The following RUNDC3B variants were observed in gnomAD, a reference collection of about 807,000 sequenced individuals.
RUNDC3B encodes the protein RUN domain-containing protein 3B.
In RUNDC3B, 33 loss-of-function variants were observed where a neutral mutation model predicts 58.4. That is an observed-to-expected ratio of 0.56 (90% CI 0.43 to 0.75). The LOEUF (loss-of-function observed/expected upper bound fraction) is 0.75, where lower values mean the gene tolerates loss of function less well. Ranked by LOEUF, RUNDC3B falls within the 30% of genes least tolerant of loss-of-function variation. RUNDC3B has a pLI of 0.00. For synonymous variants in RUNDC3B, 193 were observed against 195.2 expected (o/e 0.99, Z 0.10); for missense variants, 501 against 535.7 (o/e 0.94, Z 0.64).
intron 8 of RUNDC3B, among the ~76,000 whole-genome samples, chr7:87,785,316 G>A (rs1173780623): frequency 6.6e-6 from 1 of 152,002 alleles, no homozygotes; most frequent in Non-Finnish European, 1.5e-5. Context: ...CTTGTGGAAG[G>A]AAGGATGCCC....
chr7:87,671,748 T>C (rs775727129), intron 2 of RUNDC3B, among the ~76,000 whole-genome samples: 3 of 152,174 alleles, frequency 2.0e-5, no homozygotes, highest in Non-Finnish European at 4.4e-5. Flanking sequence ...GTAGAGCAGC[T>C]GTTCCGTGCT....
chr7:87,683,059 T>G (rs1585091183), intron 2 of RUNDC3B, among the ~76,000 whole-genome samples: 1 of 152,192 alleles, frequency 6.6e-6, no homozygotes, highest in African/African-American at 2.4e-5. Context: ...GTTTTATTAT[T>G]ATTATTTTTT....
intron 2 of RUNDC3B, among the ~76,000 whole-genome samples, chr7:87,655,785 T>G (rs1563107574): frequency 6.6e-6 from 1 of 152,132 alleles, no homozygotes; most frequent in East Asian, 1.9e-4. Context: ...TGCTGGAAAC[T>G]TAACCCCCTG....
chr7:87,667,295 G>A (rs184730707), intron 2 of RUNDC3B, among the ~76,000 whole-genome samples: 192 of 152,044 alleles, frequency 1.3e-3, no homozygotes, highest in African/African-American at 4.2e-3. Flanking sequence ...TTTGGCTGTT[G>A]TTGGTGTATA....
chr7:87,688,078 C>T (rs1160771014), intron 2 of RUNDC3B, among the ~76,000 whole-genome samples: 3 of 152,072 alleles, frequency 2.0e-5, no homozygotes, highest in Non-Finnish European at 4.4e-5. Flanking sequence ...CTTAAGGTCA[C>T]CAGAGTTTGG....
At chr7:87,812,818 G>A (rs1685902121) in intron 9 of RUNDC3B, among the ~76,000 whole-genome samples, 1 of 152,168 alleles carries the variant, frequency 6.6e-6, no homozygotes, top group South Asian at 2.1e-4. Flanking sequence ...ATCTTACTGT[G>A]TGATGTTAAT....
intron 2 of RUNDC3B, among the ~76,000 whole-genome samples, chr7:87,686,776 G>GA (rs555870738): frequency 0.022 from 2,357 of 106,930 alleles, 31 homozygotes; most frequent in African/African-American, 0.042. Context: ...CCCGCCTCTA[G>GA]AAAAAAAAAA....
chr7:87,684,428 T>G (rs1827235299), intron 2 of RUNDC3B, among the ~76,000 whole-genome samples: 1 of 152,162 alleles, frequency 6.6e-6, no homozygotes, highest in Admixed American at 6.5e-5. Flanking sequence ...ATTTTAAGAC[T>G]TACTGTTAAG....
At chr7:87,726,192 C>G (rs954871802) in intron 4 of RUNDC3B, among the ~76,000 whole-genome samples, 1 of 152,174 alleles carries the variant, frequency 6.6e-6, no homozygotes, top group African/African-American at 2.4e-5. Context: ...ATGGTACTGC[C>G]TAGGTTTTCC....
chr7:87,812,329 C>A (rs1293329838), intron 9 of RUNDC3B, among the ~76,000 whole-genome samples: 1 of 152,158 alleles, frequency 6.6e-6, no homozygotes, highest in Non-Finnish European at 1.5e-5. Flanking sequence ...TTAACAATGG[C>A]TGGGCACAGT....
chr7:87,757,930 C>T (rs542514520), intron 6 of RUNDC3B, among the ~76,000 whole-genome samples: 2 of 152,230 alleles, frequency 1.3e-5, no homozygotes, highest in South Asian at 4.2e-4. Flanking sequence ...ATAAATGGTG[C>T]TGGGAAAACT....
intron 2 of RUNDC3B, among the ~76,000 whole-genome samples, chr7:87,672,124 C>G (rs1353850438): frequency 2.0e-5 from 3 of 152,228 alleles, no homozygotes; most frequent in Admixed American, 6.5e-5. Flanking sequence ...CTGCCTCTCC[C>G]TCTGGGAGCA....
chr7:87,719,251 A>T (rs1029994129), intron 4 of RUNDC3B, among the ~76,000 whole-genome samples: 50 of 152,004 alleles, frequency 3.3e-4, no homozygotes, highest in African/African-American at 1.1e-3. Flanking sequence ...AATTATTAAA[A>T]TGGGAAGAAG....
At chr7:87,638,330 T>G (rs1206706605) in intron 1 of RUNDC3B, among the ~76,000 whole-genome samples, 1 of 145,758 alleles carries the variant, frequency 6.9e-6, no homozygotes, top group African/African-American at 2.6e-5. Context: ...ATAAAACAAG[T>G]TAGGAAGTAT....
intron 4 of RUNDC3B, among the ~76,000 whole-genome samples, chr7:87,738,035 A>G (rs1472070125): frequency 1.3e-5 from 2 of 152,112 alleles, no homozygotes; most frequent in African/African-American, 2.4e-5. Context: ...GCTGATTTTT[A>G]GAATGTATTT....
At chr7:87,646,142 T>A (rs573568468) in intron 1 of RUNDC3B, among the ~76,000 whole-genome samples, 138 of 152,320 alleles carry the variant, frequency 9.1e-4, no homozygotes, top group African/African-American at 3.2e-3. Flanking sequence ...TGACATTTTA[T>A]GTTTTTATGA....
intron 2 of RUNDC3B, among the ~76,000 whole-genome samples, chr7:87,651,340 G>C (rs1033929243): frequency 1.3e-5 from 2 of 152,016 alleles, no homozygotes; most frequent in Non-Finnish European, 2.9e-5. Flanking sequence ...CAGGTAGTAG[G>C]TTAAAAAAGA....
chr7:87,692,009 A>G (rs1271368776), intron 2 of RUNDC3B, among the ~76,000 whole-genome samples: 4 of 152,204 alleles, frequency 2.6e-5, no homozygotes. Context: ...CTTGTCTAGA[A>G]TGGTTTAATC....
In RUNDC3B at chr7:87,628,880, C is replaced by T. The variant is rs1820883660; in HGVS notation, c.57C>T (p.Gly19=). The change falls in exon 1 of 11, where the codon GGC becomes GGT. Residue 19 remains glycine (G), a synonymous_variant. Coordinates refer to ENST00000394654, the MANE Select transcript of RUNDC3B (RefSeq NM_001134405.2). ...GGATCCGCGGCGGTGGCGGCGGAGG[C>T]GGCAAGAAAAGCCTGAGCGCCCGCA... is the stretch of plus-strand genomic sequence containing the variant. The part of the protein sequence containing the change: ...LSGIRGGGGG[G]GKKSLSARNA... 1 of 1,294,466 alleles carries T rather than the reference C, an allele frequency of 7.7e-7. No homozygotes were observed. The highest frequency in any genetic ancestry group is 9.9e-7 in the Non-Finnish European group (1 of 1,013,946). 80.2% of individuals were successfully genotyped at this position (1,294,466 alleles called of 1,614,324 possible).
Sources: allele counts gnomAD v4.1 joint callset (sites outside exome capture counted in the v4.1 genomes callset), GRCh38; gene constraint gnomAD v4.1.1; transcripts MANE v1.5; gene names NCBI Gene and HGNC (gene_info 2026-07-23, HGNC 2026-07-21).